Variants in DUSP16 observed in about 807,000 individuals in gnomAD.
DUSP16 encodes the protein dual specificity protein phosphatase 16.
Under a neutral mutation model 58.3 loss-of-function variants are expected in DUSP16, and 21 were observed. That is an observed-to-expected ratio of 0.36 (90% CI 0.26 to 0.52). The LOEUF is 0.52. Ranked by LOEUF, DUSP16 falls within the 20% of genes least tolerant of loss-of-function variation. The pLI is 0.94. For synonymous variants in DUSP16, 320 were observed against 323.8 expected (o/e 0.99, Z 0.12); for missense variants, 726 against 819.0 (o/e 0.89, Z 1.39).
intron 3 of DUSP16, among the ~76,000 whole-genome samples, chr12:12,505,652 G>A (rs990285781): frequency 3.3e-5 from 5 of 152,154 alleles, no homozygotes; most frequent in East Asian, 1.9e-4. Flanking sequence ...CAGTTCTATC[G>A]TTAATTGGTA....
intron 1 of DUSP16, among the ~76,000 whole-genome samples, chr12:12,542,286 T>A (rs570207845): frequency 1.1e-3 from 165 of 148,212 alleles, no homozygotes; most frequent in Non-Finnish European, 1.7e-3. Flanking sequence ...GGCAGGAGAA[T>A]CCCTTGAACC....
intron 1 of DUSP16, among the ~76,000 whole-genome samples, chr12:12,540,939 C>CT (rs1944544219): frequency 2.5e-5 from 2 of 79,478 alleles, no homozygotes; most frequent in African/African-American, 9.6e-5. Flanking sequence ...TTTTTCTTTT[C>CT]TTTTCTTTTC....
intron 1 of DUSP16, among the ~76,000 whole-genome samples, chr12:12,538,587 C>T (rs1299239862): frequency 6.6e-6 from 1 of 152,164 alleles, no homozygotes; most frequent in Non-Finnish European, 1.5e-5. Context: ...ACACAGAACG[C>T]AAAATATTTC....
rs540747280 is a variant in DUSP16, at chr12:12,525,056, A to T, written c.-365-3593T>A. On this transcript the variant is annotated intron_variant, in intron 1 of 6. Coordinates refer to ENST00000298573, the MANE Select transcript of DUSP16 (RefSeq NM_030640.3). The stretch of plus-strand genomic sequence containing the variant: ...TCTAATTTATTCCAAAGATTTTTTT[A>T]AATTAATATAGAATGAAGCACAAAT... 3.4e-4 allele frequency among the ~76,000 whole-genome samples: 52 copies of T among 152,352 alleles called. 1 individual carries two copies. Among genetic ancestry groups the T allele is most frequent in the Middle Eastern group, 3.4e-3 (1 of 294 alleles).
intron 1 of DUSP16, among the ~76,000 whole-genome samples, chr12:12,535,260 G>C (rs1944448634): frequency 6.6e-6 from 1 of 152,096 alleles, no homozygotes; most frequent in South Asian, 2.1e-4. Flanking sequence ...TCTTTAGAAG[G>C]GTTTCCCAAA....
At chr12:12,511,236 A>G (rs1469549708) in intron 3 of DUSP16, among the ~76,000 whole-genome samples, 1 of 152,208 alleles carries the variant, frequency 6.6e-6, no homozygotes, top group Non-Finnish European at 1.5e-5. Context: ...AACTGACTTC[A>G]TGGTAGCAGA....
chr12:12,501,692 C>T (rs10743988), intron 3 of DUSP16, among the ~76,000 whole-genome samples: 69,389 of 152,004 alleles, frequency 0.46, 16,352 homozygotes, highest in East Asian at 0.7. Context: ...ATATTTTTAA[C>T]ATTAAATTTA....
chr12:12,483,191 A>C (rs1000384236), intron 5 of DUSP16, among the ~76,000 whole-genome samples: 6 of 152,230 alleles, frequency 3.9e-5, no homozygotes, highest in African/African-American at 1.4e-4. Context: ...TGCAGTGAGG[A>C]TGAGAAGTTA....
chr12:12,475,851 G>C lies in DUSP16; in HGVS notation c.*982C>G, dbSNP rs1475901333. 2 of 152,226 alleles carry C rather than the reference G, an allele frequency of 1.3e-5. No homozygotes were observed. Among genetic ancestry groups the C allele is most frequent in the Non-Finnish European group, 2.9e-5 (2 of 68,036 alleles). 9.4% of individuals were successfully genotyped at this position (152,226 alleles called of 1,614,324 possible). ...CATCTGCTTTGGCTGAGAATTTGAA[G>C]GTGCTGCTGCTCTGCTACCAACCCA... is the stretch of plus-strand genomic sequence containing the variant. On this transcript the variant is annotated 3_prime_UTR_variant, in exon 7 of 7. Coordinates refer to ENST00000298573, the MANE Select transcript of DUSP16 (RefSeq NM_030640.3).
At chr12:12,481,323 G>A (rs917996278) in intron 5 of DUSP16, among the ~76,000 whole-genome samples, 28 of 152,152 alleles carry the variant, frequency 1.8e-4, no homozygotes, top group African/African-American at 5.6e-4. Flanking sequence ...GGCAGGGGAC[G>A]AGGTTATTCC....
intron 1 of DUSP16, among the ~76,000 whole-genome samples, chr12:12,551,228 G>A (rs1055190324): frequency 6.6e-6 from 1 of 151,810 alleles, no homozygotes; most frequent in African/African-American, 2.4e-5. Context: ...TGGGCTGCTG[G>A]CCGTGGCTCA....
At chr12:12,493,405 A>G (rs969588632) in intron 4 of DUSP16, among the ~76,000 whole-genome samples, 3 of 152,140 alleles carry the variant, frequency 2.0e-5, no homozygotes, top group South Asian at 2.1e-4. Context: ...GCTTCCATCC[A>G]GTAGGAAATT....
At chr12:12,540,359 T>A (rs1169576506) in intron 1 of DUSP16, among the ~76,000 whole-genome samples, 1 of 151,982 alleles carries the variant, frequency 6.6e-6, no homozygotes, top group African/African-American at 2.4e-5. Flanking sequence ...ATTAAAAAAA[T>A]TTTTAAAGAT....
chr12:12,551,479 ATGGGCACTATCTGT>A (rs1944725463), intron 1 of DUSP16, among the ~76,000 whole-genome samples: 1 of 148,728 alleles, frequency 6.7e-6, no homozygotes, highest in Admixed American at 6.7e-5. Flanking sequence ...AAAAAAAAAA[ATGGGCACTATCTGT>A]TGCCAATGAT....
intron 1 of DUSP16, among the ~76,000 whole-genome samples, chr12:12,539,435 T>A (rs1234094591): frequency 1.3e-5 from 2 of 152,172 alleles, no homozygotes; most frequent in African/African-American, 4.8e-5. Context: ...GTTTCCAATC[T>A]TTCTTCTTAA....
At chr12:12,498,343 G>T (rs1423174749) in intron 4 of DUSP16, among the ~76,000 whole-genome samples, 1 of 151,828 alleles carries the variant, frequency 6.6e-6, no homozygotes, top group Non-Finnish European at 1.5e-5. Context: ...CAACGCTAAG[G>T]TTTTTGTCAA....
intron 4 of DUSP16, among the ~76,000 whole-genome samples, chr12:12,499,455 G>T (rs908037972): frequency 1.3e-5 from 2 of 152,148 alleles, no homozygotes; most frequent in Admixed American, 6.5e-5. Context: ...CAGTGTTGAG[G>T]CAAAATTTTG....
chr12:12,486,481 A>AGAGT (rs1402961298), intron 5 of DUSP16, among the ~76,000 whole-genome samples: 1 of 147,262 alleles, frequency 6.8e-6, no homozygotes, highest in Non-Finnish European at 1.5e-5. Flanking sequence ...ACCAAATGAG[A>AGAGT]GTGTGTGTGT....
At chr12:12,549,707 G>C (rs1944697448) in intron 1 of DUSP16, among the ~76,000 whole-genome samples, 1 of 151,480 alleles carries the variant, frequency 6.6e-6, no homozygotes, top group South Asian at 2.1e-4. Flanking sequence ...TCAGTACCCT[G>C]GATTTTGAAT....
Sources: allele counts gnomAD v4.1 joint callset (sites outside exome capture counted in the v4.1 genomes callset), GRCh38; gene constraint gnomAD v4.1.1; transcripts MANE v1.5; gene names NCBI Gene and HGNC (gene_info 2026-07-23, HGNC 2026-07-21).